Variants in PLXND1 observed in about 807,000 individuals in gnomAD.
The protein encoded by PLXND1 is plexin-D1.
In PLXND1, 54 loss-of-function variants were observed where a neutral mutation model predicts 197.7. That is an observed-to-expected ratio of 0.27 (90% CI 0.22 to 0.34). The LOEUF (loss-of-function observed/expected upper bound fraction) is 0.34, where lower values mean the gene tolerates loss of function less well. Among genes scored for constraint, PLXND1 ranks in the 10% least tolerant of loss-of-function variants. PLXND1 has a pLI of 1.00. For missense variants in PLXND1, 2,127 were observed against 2,699.2 expected, an observed-to-expected ratio of 0.79 and a Z score of 4.70; for synonymous variants, 1,180 against 1,161.2, an observed-to-expected ratio of 1.02 and a Z score of -0.33.
At position 129,557,358 on chromosome 3, in the gene PLXND1, G is replaced by A. The variant is rs565468940; in HGVS notation, c.5446-135C>T. On this transcript the variant is annotated intron_variant, in intron 33 of 35. Transcript: ENST00000324093. The surrounding 1 kb of genome is among the most constrained non-coding windows in gnomAD (Gnocchi z 4.8). The stretch of plus-strand genomic sequence containing the variant: ...CCCCGAGGCCCAAAGAGTCTCACCC[G>A]GTCACTGAACGTCCCCGCACTCAGC... 1.2e-5 allele frequency: 11 copies of A among 952,696 alleles called. No individual in the cohort carries two copies. Among genetic ancestry groups the A allele is most frequent in the African/African-American group, 8.2e-5 (5 of 60,622 alleles). 59.0% of individuals were successfully genotyped at this position (952,696 alleles called of 1,614,324 possible).
At chr3:129,580,503 GTCC>G (rs968774243) in intron 8 of PLXND1, among the ~76,000 whole-genome samples, 108 of 152,246 alleles carry the variant, frequency 7.1e-4, no homozygotes, top group African/African-American at 2.5e-3. Flanking sequence ...CCCAGCCTCT[GTCC>G]TCCTGGCCCC....
chr3:129,591,189 A>G (rs770589500), intron 1 of PLXND1, among the ~76,000 whole-genome samples: 3 of 152,232 alleles, frequency 2.0e-5, no homozygotes, highest in Non-Finnish European at 4.4e-5. Context: ...CCCTGGACCA[A>G]CATACAGGAG....
chr3:129,571,624 A>C, intron 16 of PLXND1, 25 bp from the exon 17 acceptor site: 1 of 1,613,794 alleles, frequency 6.2e-7, no homozygotes, highest in Non-Finnish European at 8.5e-7. Flanking sequence ...AAAACCTATC[A>C]GTGCACCTGC....
At chr3:129,586,919 G>C (rs926678910) in intron 2 of PLXND1, among the ~76,000 whole-genome samples, 200 bp from the exon 3 acceptor site, 6 of 152,218 alleles carry the variant, frequency 3.9e-5, no homozygotes, top group Non-Finnish European at 1.5e-5. Context: ...CCCCCACCAG[G>C]AGCTCCTTCT....
chr3:129,584,084 C>A, intron 7 of PLXND1, 41 bp downstream of exon 7: 2 of 1,321,436 alleles, frequency 1.5e-6, no homozygotes, highest in South Asian at 2.5e-5. Context: ...GGATGCGTTC[C>A]TCCCTCCACC....
At position 129,577,828 on chromosome 3, in the gene PLXND1, C is replaced by T. The variant is rs980583680; in HGVS notation, c.2346+501G>A. 4.6e-5 allele frequency among the ~76,000 whole-genome samples: 7 copies of T among 152,192 alleles called. No individual in the cohort carries two copies. Among genetic ancestry groups the T allele is most frequent in the African/African-American group, 7.2e-5 (3 of 41,448 alleles). On this transcript the variant is annotated intron_variant, in intron 9 of 35. Coordinates refer to ENST00000324093, the MANE Select transcript of PLXND1 (RefSeq NM_015103.3). The surrounding 1 kb of genome is among the most constrained non-coding windows in gnomAD (Gnocchi z 5.0). ...TCCAGCCCTGTGTTGTGTGATCTGG[C>T]GTCATCTACTTTTCCTTCCTGGGCC...
Position 129,571,595 on chromosome 3 carries a change from C to T in PLXND1, c.3250G>A (p.Gly1084Ser), listed in dbSNP as rs762376973. ...ISPRRSPVSG[G>S]RTITVAGERF... is the part of the protein sequence containing the mutation. ...TCACCAGCCACTGTGATGGTCCTGC[C>T]GCCACTGCGGGGGACAGCAAAACCT... The change falls in exon 17 of 36, where the codon GGC becomes AGC. Residue 1084 changes from glycine (G) to serine (S), a missense_variant. Transcript: ENST00000324093. 1.9e-6 allele frequency: 3 copies of T among 1,613,936 alleles called. No homozygotes were observed. The highest frequency in any genetic ancestry group is 2.5e-6 in the Non-Finnish European group (3 of 1,179,964).
chr3:129,562,240 C>T (rs945020382), intron 27 of PLXND1, among the ~76,000 whole-genome samples: 4 of 151,314 alleles, frequency 2.6e-5, no homozygotes, highest in East Asian at 2.1e-4. Flanking sequence ...AGGCCCCGCG[C>T]GGTGGCTCAC....
rs750103768 is a variant in PLXND1 at position 129,567,621 on chromosome 3, C to T, written c.3974-17G>A. 7 of 1,598,330 alleles carry T rather than the reference C, an allele frequency of 4.4e-6. No individual in the cohort carries two copies. Among genetic ancestry groups the T allele is most frequent in the Non-Finnish European group, 4.3e-6 (5 of 1,166,392 alleles). ...CAGCGAAGCCTGGCGGACACACGGA[C>T]AGCCGTGAGCGGCCCGAGAACCCAT... On this transcript the variant is annotated splice_polypyrimidine_tract_variant and intron_variant, in intron 21 of 35. Coordinates refer to ENST00000324093, the MANE Select transcript of PLXND1 (RefSeq NM_015103.3).
Position 129,559,688 on chromosome 3 carries a change from G to T in PLXND1, c.5229C>A (p.Phe1743Leu). The T allele has an allele frequency of 6.2e-7, 1 of 1,613,352 alleles. No homozygotes were observed. The stretch of plus-strand genomic sequence containing the variant: ...CCCTCTTCTCAGCCTGCTCCTCCAG[G>T]AAGTCGAAAAAGTACTTGACAGCCA... ...PPLAVKYFFDFLEEQAEKRGI... is the reference protein window; with the variant it reads ...PPLAVKYFFDLLEEQAEKRGI... The change falls in exon 32 of 36, where the codon TTC (phenylalanine) becomes TTA (leucine). Residue 1743 changes from phenylalanine (F) to leucine (L), a missense_variant. This residue lies in a region of PLXND1 where 200 missense variants were observed against 303.3 expected (regional missense o/e 0.66). Coordinates refer to ENST00000324093, the MANE Select transcript of PLXND1 (RefSeq NM_015103.3).
At chr3:129,568,970 C>T (rs930004469) in intron 20 of PLXND1, among the ~76,000 whole-genome samples, 1 of 152,212 alleles carries the variant, frequency 6.6e-6, no homozygotes, top group Non-Finnish European at 1.5e-5. Context: ...TCGTGTTCTC[C>T]CTAGTCCCTG....
intron 1 of PLXND1, among the ~76,000 whole-genome samples, chr3:129,590,044 G>A (rs975061916): frequency 6.6e-6 from 1 of 152,122 alleles, no homozygotes; most frequent in Non-Finnish European, 1.5e-5. Flanking sequence ...CTCCTGCCGG[G>A]TGTCTGCTCT....
intron 8 of PLXND1, among the ~76,000 whole-genome samples, chr3:129,581,337 A>G (rs1336326827): frequency 6.6e-6 from 1 of 152,178 alleles, no homozygotes; most frequent in Non-Finnish European, 1.5e-5. Context: ...CCTCCACCCC[A>G]GCTCCTGGCC....
At chr3:129,560,630 A>G in intron 30 of PLXND1, 59 bp downstream of exon 30, 2 of 1,337,934 alleles carry the variant, frequency 1.5e-6, no homozygotes, top group Admixed American at 1.7e-5. Flanking sequence ...GGGCCACAGA[A>G]AGCCAAGGCC....
In PLXND1 at chr3:129,557,643, C is replaced by T. The variant is rs116963099; in HGVS notation, c.5446-420G>A. Among the ~76,000 whole-genome samples, 2,737 of 152,306 alleles carry T rather than the reference C, an allele frequency of 0.018. 350 individuals carry two copies. The East Asian group carries it at 0.33, about 19-fold the overall frequency. ...AATATTTCCCACCACATGCTCCTAA[C>T]GCCTGAAAGAAGTGCCAAGAACACT... On this transcript the variant is annotated intron_variant, in intron 33 of 35. Transcript: ENST00000324093. The surrounding 1 kb of genome is among the most constrained non-coding windows in gnomAD (Gnocchi z 4.8).
intron 20 of PLXND1, 126 bp from the exon 21 acceptor site, chr3:129,567,931 T>G: frequency 8.5e-6 from 2 of 236,130 alleles, no homozygotes; most frequent in Non-Finnish European, 1.7e-5. Flanking sequence ...CCTGCAGTCC[T>G]CCCTCCTGGG....
Position 129,563,141 on chromosome 3 carries a change from G to A in PLXND1, c.4621C>T (p.Leu1541Phe). ...TCCCGCAGCAGCCACTCCTCACTGA[G>A]TGTGTAGCGGGCCTTGCCTGTGATG... ...DAITGKARYT[L>F]SEEWLLRENI... is the part of the protein sequence containing the mutation. The change falls in exon 26 of 36, where the codon CTC becomes TTC. Residue 1541 changes from leucine (L) to phenylalanine (F), a missense_variant. Transcript: ENST00000324093. 6.2e-7 allele frequency: 1 copy of A among 1,612,880 alleles called. No homozygotes were observed. Among genetic ancestry groups the A allele is most frequent in the Non-Finnish European group, 8.5e-7 (1 of 1,179,548 alleles).
intron 20 of PLXND1, chr3:129,569,642 C>T (rs575077277): frequency 5.3e-6 from 3 of 565,398 alleles, no homozygotes; most frequent in Non-Finnish European, 9.5e-6. Context: ...CCCCTGGCCA[C>T]CTAACATCTT....
At chr3:129,568,620 C>G (rs1400142334) in intron 20 of PLXND1, among the ~76,000 whole-genome samples, 1 of 152,200 alleles carries the variant, frequency 6.6e-6, no homozygotes, top group Non-Finnish European at 1.5e-5. Context: ...GCGATCACAT[C>G]TCACTGCAGC....
Sources: allele counts gnomAD v4.1 joint callset (sites outside exome capture counted in the v4.1 genomes callset), GRCh38; gene constraint gnomAD v4.1.1; regional missense constraint gnomAD v4.1.1; non-coding constraint Gnocchi (gnomAD v3.1); transcripts MANE v1.5; gene names NCBI Gene and HGNC (gene_info 2026-07-23, HGNC 2026-07-21).